Variants in EHMT1 observed in about 807,000 individuals in gnomAD.
EHMT1 encodes euchromatic histone lysine methyltransferase 1, also known as histone-lysine N-methyltransferase EHMT1.
Under a neutral mutation model 147.2 loss-of-function variants are expected in EHMT1, and 15 were observed. The ratio of observed to expected loss-of-function variants is 0.10; its 90% confidence interval spans 0.07 to 0.16. The LOEUF (loss-of-function observed/expected upper bound fraction) is 0.16. EHMT1 is among the 10% of genes least tolerant of loss of function. The pLI, the probability that EHMT1 is intolerant of heterozygous loss-of-function variation, is 1.00. For synonymous variants in EHMT1, 795 were observed against 709.6 expected, an observed-to-expected ratio of 1.12 and a Z score of -1.91; for missense variants, 1,587 against 1,772.4, an observed-to-expected ratio of 0.90 and a Z score of 1.88.
chr9:137,804,063 A>G (rs983745647), intron 18 of EHMT1, among the ~76,000 whole-genome samples: 8 of 152,224 alleles, frequency 5.3e-5, no homozygotes, highest in Non-Finnish European at 4.4e-5. Context: ...CACGTCTTAC[A>G]TGGTGGCAGG....
intron 9 of EHMT1, among the ~76,000 whole-genome samples, chr9:137,761,674 G>T (rs1949830143): frequency 6.6e-6 from 1 of 151,998 alleles, no homozygotes; most frequent in Admixed American, 6.6e-5. Context: ...GTCCAGGAGG[G>T]TCTCGATCTC....
chr9:137,818,352 G>A (rs1277464128), intron 25 of EHMT1, among the ~76,000 whole-genome samples: 1 of 152,204 alleles, frequency 6.6e-6, no homozygotes, highest in African/African-American at 2.4e-5. Context: ...AGGTCCCTGA[G>A]CCTGTGCAGC....
intron 1 of EHMT1, among the ~76,000 whole-genome samples, chr9:137,688,378 C>T (rs1168780016): frequency 6.6e-6 from 1 of 152,124 alleles, no homozygotes; most frequent in Non-Finnish European, 1.5e-5. Context: ...TTTATATAAA[C>T]TCGGTTCATT....
At chr9:137,692,763 C>T (rs1943054304) in intron 1 of EHMT1, among the ~76,000 whole-genome samples, 1 of 152,114 alleles carries the variant, frequency 6.6e-6, no homozygotes, top group Non-Finnish European at 1.5e-5. Flanking sequence ...GGCGCCTGCT[C>T]CAGCCCTGGT....
chr9:137,789,353 CTCT>C (rs1564765418), intron 15 of EHMT1: 1 of 152,592 alleles, frequency 6.6e-6, no homozygotes, highest in Non-Finnish European at 1.5e-5. Context: ...GGCGCACCCT[CTCT>C]TCTTTCACCA....
intron 13 of EHMT1, 77 bp downstream of exon 13, chr9:137,778,132 C>T: frequency 6.5e-7 from 1 of 1,542,644 alleles, no homozygotes; most frequent in South Asian, 1.1e-5. Flanking sequence ...CCCATGGTGT[C>T]ACTTTAGCAC....
Position 137,732,157 on chromosome 9 carries a change from C to T in EHMT1, c.823+3628C>T, listed in dbSNP as rs1218874367. ...GGCTCCACTGCTGCTTGCCATCACA[C>T]GGGGCAGCCGCCGACACCAGCGGAG... is the stretch of plus-strand genomic sequence containing the variant. On this transcript the variant is annotated intron_variant, in intron 4 of 26. Coordinates refer to ENST00000460843, the MANE Select transcript of EHMT1 (RefSeq NM_024757.5). This position sits in a 1 kb window ranked among gnomAD's most constrained non-coding sequence, Gnocchi z 4.6. Among the ~76,000 whole-genome samples the T allele has an allele frequency of 5.9e-5, 9 of 152,210 alleles. No individual in the cohort carries two copies. Among genetic ancestry groups the T allele is most frequent in the African/African-American group, 2.4e-5 (1 of 41,456 alleles).
At chr9:137,779,748 C>T (rs1337937093) in intron 14 of EHMT1, 31 bp downstream of exon 14, 1 of 1,610,238 alleles carries the variant, frequency 6.2e-7, no homozygotes, top group Non-Finnish European at 8.5e-7. Context: ...CGGGCACATG[C>T]AGCCGGCCCT....
Position 137,716,864 on chromosome 9 carries a change from C to G in EHMT1, c.324C>G (p.His108Gln), listed in dbSNP as rs574402576. The stretch of plus-strand genomic sequence containing the variant: ...ACTCAGAAGCGGCGAAGCAAAACCA[C>G]GTCACTGCCGACGACTTTGTGCAGA... ...ERDSEAAKQN[H>Q]VTADDFVQTS... The change falls in exon 3 of 27, where the codon CAC becomes CAG. Residue 108 changes from histidine (H) to glutamine (Q), a missense_variant. His to Gln is a conservative substitution (Grantham distance 24). This residue lies in a region of EHMT1 where 810 missense variants were observed against 673.0 expected (regional missense o/e 1.20). Coordinates refer to ENST00000460843, the MANE Select transcript of EHMT1 (RefSeq NM_024757.5). 1.9e-6 allele frequency: 3 copies of G among 1,613,164 alleles called. No homozygotes were observed. The Admixed American group carries it at 5.0e-5, about 27-fold the overall frequency.
At chr9:137,628,372 A>G (rs550562632) in intron 1 of EHMT1, among the ~76,000 whole-genome samples, 6 of 152,280 alleles carry the variant, frequency 3.9e-5, no homozygotes, top group African/African-American at 1.4e-4. Flanking sequence ...GATTTTTGCT[A>G]AGAGAAGAGA....
chr9:137,831,151 C>T (rs1956159923), intron 25 of EHMT1, among the ~76,000 whole-genome samples: 1 of 152,182 alleles, frequency 6.6e-6, no homozygotes, highest in Admixed American at 6.5e-5. Context: ...CCCAAAGCCT[C>T]ACCCTAACCT....
At chr9:137,668,105 G>A (rs1214776081) in intron 1 of EHMT1, among the ~76,000 whole-genome samples, 3 of 152,078 alleles carry the variant, frequency 2.0e-5, no homozygotes, top group South Asian at 4.2e-4. Context: ...CAGGACCAGT[G>A]GGGAGGCAGA....
intron 25 of EHMT1, among the ~76,000 whole-genome samples, chr9:137,825,949 G>A (rs1224587653): frequency 6.6e-6 from 1 of 152,082 alleles, no homozygotes; most frequent in Admixed American, 6.5e-5. Flanking sequence ...TCTCTTTTCT[G>A]TCCCAAAGAG....
At chr9:137,729,380 A>T (rs1946901392) in intron 4 of EHMT1, among the ~76,000 whole-genome samples, 1 of 152,164 alleles carries the variant, frequency 6.6e-6, no homozygotes, top group Non-Finnish European at 1.5e-5. Context: ...CGAGATCAGG[A>T]GATCGAGACC....
At chr9:137,740,898 G>A (rs999437537) in intron 4 of EHMT1, among the ~76,000 whole-genome samples, 1 of 151,880 alleles carries the variant, frequency 6.6e-6, no homozygotes, top group Non-Finnish European at 1.5e-5. Flanking sequence ...TGCCTCCCGG[G>A]TTCAAGTGAT....
At chr9:137,743,165 C>A in intron 4 of EHMT1, 1 of 572,442 alleles carries the variant, frequency 1.7e-6, no homozygotes, top group Non-Finnish European at 3.1e-6. Context: ...TGATCCAGGA[C>A]GTGTTTCTGA....
intron 3 of EHMT1, among the ~76,000 whole-genome samples, chr9:137,728,023 GA>G (rs1196958939): frequency 2.0e-5 from 3 of 152,196 alleles, no homozygotes; most frequent in African/African-American, 7.2e-5. Context: ...GAACCAGCTA[GA>G]AAATGTTTCA....
At chr9:137,749,073 G>A (rs747543722) in intron 6 of EHMT1, among the ~76,000 whole-genome samples, 6 of 152,102 alleles carry the variant, frequency 3.9e-5, no homozygotes, top group Non-Finnish European at 7.4e-5. Flanking sequence ...GCTGGGTGGG[G>A]GACAGGCAAC....
chr9:137,835,265 C>T lies in EHMT1; in HGVS notation c.*312C>T, dbSNP rs1020512306. 4 of 278,976 alleles carry T rather than the reference C, an allele frequency of 1.4e-5. No individual in the cohort carries two copies. Among genetic ancestry groups the T allele is most frequent in the African/African-American group, 2.2e-5 (1 of 44,760 alleles). 17.3% of individuals were successfully genotyped at this position (278,976 alleles called of 1,614,324 possible). A position where few individuals can be genotyped will look rare whatever the true frequency, so the allele number is the denominator to read the frequency against. On this transcript the variant is annotated 3_prime_UTR_variant, in exon 27 of 27. Transcript: ENST00000460843. ...AGTTTCTGATGCTGATTTGTCGTTGCGAAGTTTCTCGTTTCTTCCTCTGAC... is the reference window on the plus strand; with the variant it reads ...AGTTTCTGATGCTGATTTGTCGTTGTGAAGTTTCTCGTTTCTTCCTCTGAC...
Sources: allele counts gnomAD v4.1 joint callset (sites outside exome capture counted in the v4.1 genomes callset), GRCh38; gene constraint gnomAD v4.1.1; regional missense constraint gnomAD v4.1.1; non-coding constraint Gnocchi (gnomAD v3.1); transcripts MANE v1.5; gene names NCBI Gene and HGNC (gene_info 2026-07-23, HGNC 2026-07-21).